Variants in PSG4 observed in about 807,000 individuals in gnomAD.
PSG4 encodes pregnancy-specific beta-1-glycoprotein 4.
PSG4 carries 61 observed loss-of-function variants against 44.3 expected under a neutral mutation model. The observed-to-expected ratio is 1.38, with a 90% CI of 1.12 to 1.70. PSG4 has a LOEUF of 1.70. Ranked by LOEUF, PSG4 falls within the 40% of genes most tolerant of loss-of-function variation. The pLI is 0.00. For synonymous variants in PSG4, 248 were observed against 191.3 expected, an observed-to-expected ratio of 1.30 and a Z score of -2.45; for missense variants, 677 against 511.7, an observed-to-expected ratio of 1.32 and a Z score of -3.12.
rs767166623 is a variant in PSG4, at chr19:43,205,538, G to T, written c.-2C>A. 6.5e-7 allele frequency: 1 copy of T among 1,550,360 alleles called. No homozygotes were observed. On this transcript the variant is annotated 5_prime_UTR_variant, in exon 1 of 6. Coordinates refer to ENST00000405312, the MANE Select transcript of PSG4 (RefSeq NM_002780.5). The stretch of plus-strand genomic sequence containing the variant: ...GGGAGGGGCTGAGAGGGGCCCCATG[G>T]TCTCTGCTGCTTGTGTGTTCTCCTC...
intron 3 of PSG4, among the ~76,000 whole-genome samples, chr19:43,197,178 G>T (rs1967286792): frequency 1.4e-5 from 2 of 145,564 alleles, no homozygotes; most frequent in African/African-American, 5.3e-5. Context: ...CCTAGAAAGA[G>T]TGAAGGGGAC....
At position 43,200,583 on chromosome 19, in the gene PSG4, A is replaced by ATT. The variant is rs34535436; in HGVS notation, c.431-2310_431-2309dup. Among the ~76,000 whole-genome samples, 14 of 140,734 alleles carry ATT rather than the reference A, an allele frequency of 9.9e-5. 2 individuals carry two copies. The highest frequency in any genetic ancestry group is 3.4e-4 in the African/African-American group (12 of 35,750). 92.3% of individuals were successfully genotyped at this position (140,734 alleles called of 152,430 possible). On this transcript the variant is annotated intron_variant, in intron 2 of 5. Transcript: ENST00000405312. Reference sequence around the variant, plus strand: ...AAGCATTCTTCATTTCTCTAACAGCATTTTTTTTCTGAGACAGAGTCTCGC... The same window carrying ATT: ...AAGCATTCTTCATTTCTCTAACAGCATTTTTTTTTTCTGAGACAGAGTCTCGC...
At chr19:43,195,485 T>C (rs1028705850) in intron 3 of PSG4, among the ~76,000 whole-genome samples, 4 of 151,420 alleles carry the variant, frequency 2.6e-5, no homozygotes, top group African/African-American at 9.7e-5. Flanking sequence ...GCACAGACTT[T>C]CTCAAGTGTC....
Position 43,194,637 on chromosome 19 carries a change from G to A in PSG4, c.989-43C>T, listed in dbSNP as rs765343984. On this transcript the variant is annotated intron_variant, in intron 4 of 5. Coordinates refer to ENST00000405312, the MANE Select transcript of PSG4 (RefSeq NM_002780.5). ...AAGCCATAGGTGATGTCATCCGAGG[G>A]AAGGGGATGTTCCTGGTCTCTTAAA... 5.6e-5 allele frequency: 89 copies of A among 1,580,912 alleles called. 4 individuals carry two copies. The Middle Eastern group carries it at 1.0e-3, about 18-fold the overall frequency.
chr19:43,194,416 A>G lies in PSG4; in HGVS notation c.1167T>C (p.Ser389=), dbSNP rs143496527. ...TACGAACAGAGCAAGCATAGAGCCC[A>G]CTATGCTTTGTAGTTATTTGGGGGA... ...LSIPQITTKH[S]GLYACSVRNS... is the part of the protein sequence containing the mutation. Residue 389 remains serine (S), a synonymous_variant, in exon 5 of 6, where the codon AGT becomes AGC. Coordinates refer to ENST00000405312, the MANE Select transcript of PSG4 (RefSeq NM_002780.5). 18 of 1,612,288 alleles carry G rather than the reference A, an allele frequency of 1.1e-5. No individual in the cohort carries two copies. Among genetic ancestry groups the G allele is most frequent in the Middle Eastern group, 3.3e-4 (2 of 6,074 alleles).
rs780612758 is a variant in PSG4 at position 43,194,309 on chromosome 19, C to T, written c.1243+31G>A. ...ATGCCAGATAGACTCCACCTAAATCCCTATTGCCAAGGATGCTGGGATCCA... is the reference window on the plus strand; with the variant it reads ...ATGCCAGATAGACTCCACCTAAATCTCTATTGCCAAGGATGCTGGGATCCA... On this transcript the variant is annotated intron_variant, in intron 5 of 5. Transcript: ENST00000405312. 6.2e-6 allele frequency: 10 copies of T among 1,611,740 alleles called. 1 individual carries two copies. The Admixed American group carries it at 1.0e-4, about 16-fold the overall frequency.
At chr19:43,200,440 A>G (rs1463226486) in intron 2 of PSG4, among the ~76,000 whole-genome samples, 1 of 145,028 alleles carries the variant, frequency 6.9e-6, no homozygotes, top group Non-Finnish European at 1.5e-5. Flanking sequence ...ATGTTGTTCC[A>G]CTTTTTTTTC....
chr19:43,201,007 G>T (rs1460109531), intron 2 of PSG4, among the ~76,000 whole-genome samples: 1 of 146,056 alleles, frequency 6.8e-6, no homozygotes, highest in African/African-American at 2.6e-5. Context: ...TGCATAGCAG[G>T]TTGAGGATGG....
intron 3 of PSG4, among the ~76,000 whole-genome samples, chr19:43,195,806 G>C (rs1967220582): frequency 1.3e-5 from 2 of 150,192 alleles, no homozygotes; most frequent in Admixed American, 1.3e-4. Context: ...ACACAGGAGA[G>C]ACCAGAGTCA....
Position 43,195,155 on chromosome 19 carries a change from A to T in PSG4, c.828T>A (p.Asn276Lys). Reference protein sequence around the residue: ...SKNYTYIWWLNGQSLPVSPRV... With the variant: ...SKNYTYIWWLKGQSLPVSPRV... ...TGGGACTGACAGGGAGGCTCTGACCATTTAGCCACCAAATGTAGGTGTAGT... is the reference window on the plus strand; with the variant it reads ...TGGGACTGACAGGGAGGCTCTGACCTTTTAGCCACCAAATGTAGGTGTAGT... Residue 276 changes from asparagine to lysine, a missense_variant, in exon 4 of 6, where the codon AAT (asparagine) becomes AAA (lysine). Physicochemically the swap from Asn to Lys is moderately conservative, Grantham distance 94. Coordinates refer to ENST00000405312, the MANE Select transcript of PSG4 (RefSeq NM_002780.5). 2 of 1,610,392 alleles carry T rather than the reference A, an allele frequency of 1.2e-6. No individual in the cohort carries two copies. The highest frequency in any genetic ancestry group is 2.2e-4 in the Middle Eastern group (1 of 4,516).
rs773785056 is a variant in PSG4, at chr19:43,205,242, T to G, written c.64+231A>C. On this transcript the variant is annotated intron_variant, in intron 1 of 5. Transcript: ENST00000405312. ...CCTGCCACAGCCTCCTGAGTAGCTA[T>G]GATTACAGGAGCACACCACTATACC... Among the ~76,000 whole-genome samples, 83 of 142,202 alleles carry G rather than the reference T, an allele frequency of 5.8e-4. 13 individuals carry two copies. Among genetic ancestry groups the G allele is most frequent in the Admixed American group, 7.0e-4 (10 of 14,268 alleles). 93.3% of individuals were successfully genotyped at this position (142,202 alleles called of 152,430 possible). A position where few individuals can be genotyped will look rare whatever the true frequency, so the allele number is the denominator to read the frequency against.
chr19:43,204,246 G>A lies in PSG4; in HGVS notation c.70C>T (p.Leu24Phe). Residue 24 changes from leucine to phenylalanine, a missense_variant, in exon 2 of 6, where the codon CTT becomes TTT. Leu to Phe is a conservative substitution (Grantham distance 22, BLOSUM62 0). Coordinates refer to ENST00000405312, the MANE Select transcript of PSG4 (RefSeq NM_002780.5). The part of the protein sequence containing the change: ...TWKGVLLTAS[L>F]LNFWNPPTTA... The stretch of plus-strand genomic sequence containing the variant: ...GTGGGCGGATTCCAGAAGTTTAAAA[G>A]TGATGCTAGGAGGTACAGAGAGCAT... 3 of 1,573,372 alleles carry A rather than the reference G, an allele frequency of 1.9e-6. No individual in the cohort carries two copies. The highest frequency in any genetic ancestry group is 1.7e-6 in the Non-Finnish European group (2 of 1,164,054).
At chr19:43,202,994 T>A (rs578247635) in intron 2 of PSG4, 2 of 145,738 alleles carry the variant, frequency 1.4e-5, no homozygotes, top group African/African-American at 5.3e-5. Context: ...GTGCCTCAGT[T>A]TTCTCTCAAT....
intron 4 of PSG4, 104 bp from the exon 5 acceptor site, chr19:43,194,698 C>G: frequency 1.3e-6 from 2 of 1,496,494 alleles, no homozygotes; most frequent in Non-Finnish European, 1.8e-6. Flanking sequence ...GACACACCTT[C>G]AAGTCCCAGC....
In PSG4 at chr19:43,204,391, G is replaced by T. The variant is rs767470843; in HGVS notation, c.65-140C>A. The T allele has an allele frequency of 9.4e-6, 11 of 1,175,412 alleles. 2 individuals carry two copies. The Admixed American group carries it at 2.8e-4, about 30-fold the overall frequency. 72.8% of individuals were successfully genotyped at this position (1,175,412 alleles called of 1,614,324 possible). On this transcript the variant is annotated intron_variant, in intron 1 of 5. Coordinates refer to ENST00000405312, the MANE Select transcript of PSG4 (RefSeq NM_002780.5). ...ACAAACACATACACACACTAAAGGG[G>T]CGTGAGTGTATGTGTGTGTGTCCTA...
intron 2 of PSG4, among the ~76,000 whole-genome samples, chr19:43,201,988 G>A (rs1288682440): frequency 6.9e-6 from 1 of 144,570 alleles, no homozygotes; most frequent in Non-Finnish European, 1.5e-5. Context: ...TTAGTGACCT[G>A]GGGACATTGG....
rs757086980 is a variant in PSG4 at position 43,193,415 on chromosome 19, A to G, written c.1244-27T>C. 7.8e-6 allele frequency: 6 copies of G among 767,580 alleles called. No homozygotes were observed. In the African/African-American group the frequency reaches 1.0e-4, roughly 13 times the overall value. 47.5% of individuals were successfully genotyped at this position (767,580 alleles called of 1,614,324 possible). A position where few individuals can be genotyped will look rare whatever the true frequency, so the allele number is the denominator to read the frequency against. ...TACAGGTGGATAATAAAAACACAGA[A>G]ACAATGAACAGAGCTGCAATCTCAT... On this transcript the variant is annotated intron_variant, in intron 5 of 5. Coordinates refer to ENST00000405312, the MANE Select transcript of PSG4 (RefSeq NM_002780.5).
At chr19:43,194,015 T>A in intron 5 of PSG4, 1 of 983,432 alleles carries the variant, frequency 1.0e-6, no homozygotes, top group Non-Finnish European at 1.5e-6. Flanking sequence ...AAAAATTCCA[T>A]AAATCTAGAA....
intron 1 of PSG4, 150 bp from the exon 2 acceptor site, chr19:43,204,401 A>T (rs1967664929): frequency 9.2e-7 from 1 of 1,091,600 alleles, no homozygotes; most frequent in Non-Finnish European, 1.3e-6. Flanking sequence ...GCGTGAGTGT[A>T]TGTGTGTGTG....
Sources: allele counts gnomAD v4.1 joint callset (sites outside exome capture counted in the v4.1 genomes callset), GRCh38; gene constraint gnomAD v4.1.1; transcripts MANE v1.5; gene names NCBI Gene and HGNC (gene_info 2026-07-23, HGNC 2026-07-21).